MCF2L2: variants seen among roughly 807,000 people sequenced by gnomAD.
MCF2L2 encodes probable guanine nucleotide exchange factor MCF2L2.
A neutral mutation model predicts 150.2 loss-of-function variants in MCF2L2; 102 were observed. The observed-to-expected ratio is 0.68, with a 90% confidence interval of 0.58 to 0.80. MCF2L2 has a LOEUF of 0.80. Ranked by LOEUF, MCF2L2 falls within the 30% of genes least tolerant of loss-of-function variation. The pLI is 0.00. For missense variants in MCF2L2, 1,256 were observed against 1,372.8 expected (o/e 0.91, Z 1.34); for synonymous variants, 465 against 491.3 (o/e 0.95, Z 0.71).
intron 13 of MCF2L2, among the ~76,000 whole-genome samples, chr3:183,294,654 A>G (rs1436187411): frequency 1.6e-5 from 2 of 126,138 alleles, no homozygotes; most frequent in African/African-American, 3.1e-5. Flanking sequence ...TTTGAGACGG[A>G]GTCTCGCTCT....
chr3:183,210,744 C>A (rs879280603), intron 22 of MCF2L2, among the ~76,000 whole-genome samples: 3 of 152,084 alleles, frequency 2.0e-5, no homozygotes, highest in Non-Finnish European at 4.4e-5. Context: ...GAGGAAACAG[C>A]CCCAACCAGA....
At chr3:183,393,192 C>CTTT (rs11390628) in intron 1 of MCF2L2, among the ~76,000 whole-genome samples, 51 of 132,012 alleles carry the variant, frequency 3.9e-4, no homozygotes, top group African/African-American at 1.2e-3. Flanking sequence ...AAACTTGTCT[C>CTTT]TTTTTTTTTT....
chr3:183,419,012 C>A (rs1050926700), intron 1 of MCF2L2, among the ~76,000 whole-genome samples: 4 of 152,268 alleles, frequency 2.6e-5, no homozygotes, highest in African/African-American at 7.2e-5. Flanking sequence ...CTGCAGCAGA[C>A]TTCTGCCTGG....
At position 183,415,889 on chromosome 3, in the gene MCF2L2, A is replaced by G. The variant is rs148373811; in HGVS notation, c.76+12013T>C. Among the ~76,000 whole-genome samples, 83 of 152,244 alleles carry G rather than the reference A, an allele frequency of 5.5e-4. No individual in the cohort carries two copies. In the East Asian group the frequency reaches 0.014, roughly 25 times the overall value. The stretch of plus-strand genomic sequence containing the variant: ...TCCATTCACACTTAATATTACTGAT[A>G]TAGTGGGATCCATGTCTGTCATTTT... On this transcript the variant is annotated intron_variant, in intron 1 of 29. Transcript: ENST00000328913.
intron 3 of MCF2L2, among the ~76,000 whole-genome samples, chr3:183,365,469 C>T (rs936786183): frequency 6.6e-6 from 1 of 152,128 alleles, no homozygotes; most frequent in Non-Finnish European, 1.5e-5. Flanking sequence ...AAGTTTGTTG[C>T]TCATTTATGA....
At chr3:183,339,637 G>T (rs559787550) in intron 4 of MCF2L2, among the ~76,000 whole-genome samples, 11 of 152,266 alleles carry the variant, frequency 7.2e-5, no homozygotes, top group African/African-American at 2.2e-4. Context: ...CGCCCACATC[G>T]CAAGGCAAGA....
intron 2 of MCF2L2, among the ~76,000 whole-genome samples, chr3:183,387,862 G>A (rs555992021): frequency 6.6e-6 from 1 of 151,210 alleles, no homozygotes; most frequent in South Asian, 2.1e-4. Flanking sequence ...AACCTGGGAG[G>A]TGGAGGTTGC....
At chr3:183,387,872 C>A (rs1159385900) in intron 2 of MCF2L2, among the ~76,000 whole-genome samples, 2 of 136,450 alleles carry the variant, frequency 1.5e-5, no homozygotes, top group Non-Finnish European at 3.0e-5. Flanking sequence ...GTGGAGGTTG[C>A]AGTGAGTTGA....
intron 1 of MCF2L2, among the ~76,000 whole-genome samples, chr3:183,399,187 G>C (rs1320066572): frequency 1.3e-5 from 2 of 152,122 alleles, no homozygotes; most frequent in African/African-American, 4.8e-5. Flanking sequence ...TTGCCTTTGA[G>C]AATATAATTT....
At chr3:183,211,737 T>C (rs1476902083) in intron 22 of MCF2L2, among the ~76,000 whole-genome samples, 1 of 152,266 alleles carries the variant, frequency 6.6e-6, no homozygotes, top group Non-Finnish European at 1.5e-5. Flanking sequence ...TATTTATTTA[T>C]TGGCATTCCC....
intron 5 of MCF2L2, among the ~76,000 whole-genome samples, chr3:183,329,864 G>C (rs959600232): frequency 2.6e-5 from 4 of 152,198 alleles, no homozygotes; most frequent in African/African-American, 9.7e-5. Flanking sequence ...CTACAAGCCT[G>C]TACAGCATGT....
chr3:183,299,065 G>C (rs905942514), intron 11 of MCF2L2: 3 of 152,308 alleles, frequency 2.0e-5, no homozygotes, highest in African/African-American at 7.2e-5. Context: ...CCAGCTCACA[G>C]GGAAGACTCC....
chr3:183,252,685 T>A (rs965420684), intron 15 of MCF2L2, among the ~76,000 whole-genome samples: 12 of 152,248 alleles, frequency 7.9e-5, no homozygotes, highest in Non-Finnish European at 1.5e-4. Context: ...TCGACAATCA[T>A]ACATTTAACT....
Position 183,270,900 on chromosome 3 carries a change from G to A in MCF2L2, c.1862+5972C>T, listed in dbSNP as rs1317207955. On this transcript the variant is annotated intron_variant, in intron 15 of 29. Transcript: ENST00000328913. This position sits in a 1 kb window ranked among gnomAD's most constrained non-coding sequence, Gnocchi z 4.5. ...AATTCTCCTTTGTAAAATTAGCTAT[G>A]TGGACACATACCCTTGTAGGGCTGC... is the stretch of plus-strand genomic sequence containing the variant. 1 of 1,605,092 alleles carries A rather than the reference G, an allele frequency of 6.2e-7. No homozygotes were observed. Among genetic ancestry groups the A allele is most frequent in the Non-Finnish European group, 8.5e-7 (1 of 1,176,532 alleles).
chr3:183,270,973 T>TCAAAC lies in MCF2L2; in HGVS notation c.1862+5894_1862+5898dup, dbSNP rs2108447763. On this transcript the variant is annotated intron_variant, in intron 15 of 29. Coordinates refer to ENST00000328913, the MANE Select transcript of MCF2L2 (RefSeq NM_015078.4). The surrounding 1 kb of genome is among the most constrained non-coding windows in gnomAD (Gnocchi z 4.5). ...GTTGTATGTTTTCACTGTCACTGAG[T>TCAAAC]CAAACCTGGATGAAAAAAACCTTTA... is the stretch of plus-strand genomic sequence containing the variant. The TCAAAC allele has an allele frequency of 6.6e-7, 1 of 1,508,500 alleles. No homozygotes were observed. Among genetic ancestry groups the TCAAAC allele is most frequent in the East Asian group, 2.3e-5 (1 of 43,742 alleles). The allele number at this position is 1,508,500 out of a possible 1,614,324, so 93.4% of individuals were successfully genotyped here.
intron 5 of MCF2L2, among the ~76,000 whole-genome samples, chr3:183,333,357 G>GT (rs746820609): frequency 4.6e-5 from 7 of 152,188 alleles, no homozygotes; most frequent in Non-Finnish European, 1.0e-4. Flanking sequence ...CTCTTTCAGA[G>GT]TAATTTTAAT....
At chr3:183,339,900 C>G (rs942184809) in intron 4 of MCF2L2, among the ~76,000 whole-genome samples, 2 of 152,176 alleles carry the variant, frequency 1.3e-5, no homozygotes, top group Non-Finnish European at 2.9e-5. Flanking sequence ...CCCTGCACTA[C>G]AGCATGTTTT....
intron 1 of MCF2L2, among the ~76,000 whole-genome samples, chr3:183,394,834 G>A (rs973200185): frequency 6.6e-6 from 1 of 152,180 alleles, no homozygotes; most frequent in African/African-American, 2.4e-5. Flanking sequence ...CAATGCTGGG[G>A]TTATATTGGA....
chr3:183,213,729 T>A (rs529915199), intron 22 of MCF2L2, among the ~76,000 whole-genome samples: 1 of 152,288 alleles, frequency 6.6e-6, no homozygotes, highest in African/African-American at 2.4e-5. Context: ...CAAGAAATAG[T>A]CCAAGGTGAC....
Sources: allele counts gnomAD v4.1 joint callset (sites outside exome capture counted in the v4.1 genomes callset), GRCh38; gene constraint gnomAD v4.1.1; non-coding constraint Gnocchi (gnomAD v3.1); transcripts MANE v1.5; gene names NCBI Gene and HGNC (gene_info 2026-07-23, HGNC 2026-07-21).